The following ATG7 variants were observed in gnomAD, a reference collection of about 807,000 sequenced individuals.
ATG7 encodes autophagy related 7, also known as ubiquitin-like modifier-activating enzyme ATG7.
ATG7 carries 70 observed loss-of-function variants against 82.4 expected under a neutral mutation model. The observed-to-expected ratio is 0.85, with a 90% confidence interval of 0.70 to 1.04. ATG7 has a LOEUF of 1.04. Ranked by LOEUF, ATG7 falls within the 50% of genes least tolerant of loss-of-function variation. ATG7 has a pLI of 0.00. For synonymous variants in ATG7, 287 were observed against 313.0 expected (o/e 0.92, Z 0.88); for missense variants, 792 against 864.3 (o/e 0.92, Z 1.05).
chr3:11,411,072 CT>C (rs1023072534), intron 19 of ATG7, among the ~76,000 whole-genome samples: 4 of 152,088 alleles, frequency 2.6e-5, no homozygotes, highest in East Asian at 3.9e-4. Flanking sequence ...ATGTAGAAGT[CT>C]TTTTTTATCG....
intron 7 of ATG7, among the ~76,000 whole-genome samples, chr3:11,311,906 A>G (rs1248096692): frequency 6.6e-6 from 1 of 151,350 alleles, no homozygotes; most frequent in African/African-American, 2.4e-5. Flanking sequence ...ATGATTACAT[A>G]TACATTTACA....
intron 9 of ATG7, among the ~76,000 whole-genome samples, chr3:11,325,473 A>G (rs2152744211): frequency 6.6e-6 from 1 of 152,274 alleles, no homozygotes; most frequent in East Asian, 1.9e-4. Context: ...GGAGTTCGTG[A>G]CCAGCCTGAC....
intron 20 of ATG7, among the ~76,000 whole-genome samples, chr3:11,495,394 A>T (rs1395737652): frequency 5.9e-5 from 9 of 152,158 alleles, no homozygotes; most frequent in Admixed American, 4.6e-4. Flanking sequence ...GAGATGAGGC[A>T]CTGAAATCCA....
intron 20 of ATG7, among the ~76,000 whole-genome samples, chr3:11,548,960 G>C (rs2071531676): frequency 6.6e-6 from 1 of 152,238 alleles, no homozygotes; most frequent in Admixed American, 6.5e-5. Flanking sequence ...GGGTTGGACT[G>C]CTCTGTGTGT....
At chr3:11,509,273 A>AG (rs547925449) in intron 20 of ATG7, among the ~76,000 whole-genome samples, 287 of 152,326 alleles carry the variant, frequency 1.9e-3, no homozygotes, top group African/African-American at 6.5e-3. Context: ...TGCCGGCAGG[A>AG]GGGAGCCGAG....
chr3:11,461,404 T>C (rs2152998726), intron 20 of ATG7, among the ~76,000 whole-genome samples: 1 of 152,328 alleles, frequency 6.6e-6, no homozygotes, highest in Non-Finnish European at 1.5e-5. Context: ...CTAATCCTGC[T>C]TAGAATTTCC....
intron 20 of ATG7, among the ~76,000 whole-genome samples, chr3:11,507,715 G>A (rs1321768750): frequency 1.3e-5 from 2 of 152,130 alleles, no homozygotes; most frequent in African/African-American, 4.8e-5. Flanking sequence ...GAGGGTCTGA[G>A]GACCCCAGGG....
At chr3:11,554,424 G>A (rs1441024205) in intron 20 of ATG7, among the ~76,000 whole-genome samples, 3 of 152,186 alleles carry the variant, frequency 2.0e-5, no homozygotes, top group African/African-American at 7.2e-5. Flanking sequence ...CCCTCAGGGA[G>A]CTTGCCTTCC....
chr3:11,379,889 T>G, intron 18 of ATG7, 83 bp from the exon 19 acceptor site: 1 of 1,359,226 alleles, frequency 7.4e-7, no homozygotes. Context: ...CATTTCCTAC[T>G]TGTTGTCAGA....
At position 11,557,013 on chromosome 3, in the gene ATG7, T is replaced by C. The variant is rs2072487372; in HGVS notation, c.*2170T>C. The C allele has an allele frequency of 6.6e-6, 1 of 152,506 alleles. No homozygotes were observed. Among genetic ancestry groups the C allele is most frequent in the Non-Finnish European group, 1.5e-5 (1 of 68,048 alleles). The allele number at this position is 152,506 out of a possible 1,614,324, so 9.4% of individuals were successfully genotyped here. On this transcript the variant is annotated 3_prime_UTR_variant, in exon 21 of 21. Coordinates refer to ENST00000693202, the MANE Select transcript of ATG7 (RefSeq NM_001349232.2). ...CTAAAAACTGTAAAACCGGGGGTCA[T>C]ACGGTGTGCAGAGTCCACAAAGCCT...
At chr3:11,280,772 C>G (rs1304264795) in intron 1 of ATG7, among the ~76,000 whole-genome samples, 1 of 152,190 alleles carries the variant, frequency 6.6e-6, no homozygotes, top group Non-Finnish European at 1.5e-5. Context: ...CCTATTCCCC[C>G]TGCTCTTAGC....
chr3:11,560,931 G>C (rs911611964), downstream of ATG7, among the ~76,000 whole-genome samples: 1 of 152,118 alleles, frequency 6.6e-6, no homozygotes, highest in African/African-American at 2.4e-5. Context: ...AGGGGGTTGG[G>C]GACCGACAGA....
intron 9 of ATG7, among the ~76,000 whole-genome samples, chr3:11,316,764 T>A (rs1949478347): frequency 6.6e-6 from 1 of 152,208 alleles, no homozygotes; most frequent in African/African-American, 2.4e-5. Context: ...TAGGAAGTTG[T>A]CTTAGCCATA....
chr3:11,421,729 C>G (rs1185098962), intron 19 of ATG7, among the ~76,000 whole-genome samples: 1 of 152,194 alleles, frequency 6.6e-6, no homozygotes, highest in Non-Finnish European at 1.5e-5. Context: ...TTGATCAGAT[C>G]CATCAGAGAA....
intron 19 of ATG7, among the ~76,000 whole-genome samples, chr3:11,386,215 G>A (rs999213197): frequency 6.6e-6 from 1 of 151,974 alleles, no homozygotes; most frequent in African/African-American, 2.4e-5. Context: ...ATAAGTTCTG[G>A]CTCTCTATTG....
chr3:11,522,512 C>T (rs1355005424), intron 20 of ATG7, among the ~76,000 whole-genome samples: 2 of 152,076 alleles, frequency 1.3e-5, no homozygotes, highest in Admixed American at 6.5e-5. Context: ...TTCTGCAGGT[C>T]GGCTGAGTTA....
chr3:11,479,466 G>A (rs916956086), intron 20 of ATG7, among the ~76,000 whole-genome samples: 4 of 152,200 alleles, frequency 2.6e-5, no homozygotes, highest in East Asian at 3.9e-4. Flanking sequence ...TCCAAACATC[G>A]TAAAGTTACT....
At position 11,391,430 on chromosome 3, in the gene ATG7, C is replaced by T. The variant is rs1042289161; in HGVS notation, c.1956+11378C>T. On this transcript the variant is annotated intron_variant, in intron 19 of 20. Transcript: ENST00000693202. ...GTGTCTGTGGCCAATGTTAAGCCTA[C>T]GACTTTAGATGAGCTGGCATAAATC... Among the ~76,000 whole-genome samples, 5 of 152,264 alleles carry T rather than the reference C, an allele frequency of 3.3e-5. No individual in the cohort carries two copies. The South Asian group carries it at 8.3e-4, about 25-fold the overall frequency.
intron 20 of ATG7, among the ~76,000 whole-genome samples, chr3:11,456,000 C>T (rs2085672297): frequency 6.6e-6 from 1 of 152,048 alleles, no homozygotes; most frequent in African/African-American, 2.4e-5. Context: ...ATTCATATGC[C>T]CTACAACTCA....
Sources: gnomAD v4.1 joint callset for allele counts (sites outside exome capture counted in the v4.1 genomes callset) on GRCh38, gnomAD v4.1.1 for gene constraint, MANE v1.5 for transcripts, NCBI Gene and HGNC (gene_info 2026-07-23, HGNC 2026-07-21) for gene names.